UACA: variants seen among roughly 807,000 people sequenced by gnomAD.
UACA encodes the protein nuclear membrane binding protein.
In UACA, 112 loss-of-function variants were observed where a neutral mutation model predicts 160.5. The observed-to-expected ratio is 0.70, with a 90% confidence interval of 0.60 to 0.82. UACA has a LOEUF of 0.82. Among genes scored for constraint, UACA ranks in the 40% least tolerant of loss-of-function variants. The pLI is 0.00. For synonymous variants in UACA, 557 were observed against 568.4 expected (o/e 0.98, Z 0.29); for missense variants, 1,574 against 1,614.6 (o/e 0.97, Z 0.43).
chr15:70,674,225 T>C (rs1286849090), intron 13 of UACA, among the ~76,000 whole-genome samples: 1 of 152,208 alleles, frequency 6.6e-6, no homozygotes, highest in African/African-American at 2.4e-5. Context: ...GTGGGACCTG[T>C]AATTTTCTGT....
At chr15:70,742,873 CT>C (rs546875397) in intron 1 of UACA, among the ~76,000 whole-genome samples, 2 of 152,128 alleles carry the variant, frequency 1.3e-5, no homozygotes, top group Non-Finnish European at 2.9e-5. Context: ...AACTTAGAGG[CT>C]AAAAAACAAC....
intron 1 of UACA, chr15:70,702,167 A>T: frequency 8.0e-7 from 1 of 1,255,632 alleles, no homozygotes; most frequent in Non-Finnish European, 1.0e-6. Context: ...CAAGTCAGGT[A>T]CAGTAACTCT....
chr15:70,739,030 A>G (rs1486839020), intron 1 of UACA, among the ~76,000 whole-genome samples: 1 of 152,248 alleles, frequency 6.6e-6, no homozygotes, highest in Non-Finnish European at 1.5e-5. Context: ...GTTCAAAGCA[A>G]GTCATGAATC....
At chr15:70,737,803 AT>A (rs1254403946) in intron 1 of UACA, among the ~76,000 whole-genome samples, 3 of 152,324 alleles carry the variant, frequency 2.0e-5, no homozygotes, top group Admixed American at 6.5e-5. Flanking sequence ...AGACATTTGG[AT>A]TTTTTGAATG....
intron 1 of UACA, chr15:70,758,339 T>C (rs1043939929): frequency 1.3e-5 from 2 of 152,212 alleles, no homozygotes; most frequent in East Asian, 1.9e-4. Context: ...GGGATAACCA[T>C]AGGAAGTTGT....
At chr15:70,711,676 G>A (rs1476055502) in intron 1 of UACA, among the ~76,000 whole-genome samples, 2 of 152,146 alleles carry the variant, frequency 1.3e-5, no homozygotes, top group Middle Eastern at 3.2e-3. Context: ...TCAAGCAGGT[G>A]ACAGGAATTA....
At chr15:70,778,783 T>C in the UACA span, 1 of 152,198 alleles carries the variant, frequency 6.6e-6, no homozygotes, top group African/African-American at 2.4e-5. Context: ...AATACAAACC[T>C]TATATGTTTT....
At chr15:70,671,170 CCTTT>C (rs772918062) in intron 14 of UACA, 79 bp from the exon 15 acceptor site, 1 of 1,027,786 alleles carries the variant, frequency 9.7e-7, no homozygotes, top group African/African-American at 1.6e-5. Context: ...GATGTTATTT[CCTTT>C]ATTATTCAAA....
At chr15:70,684,512 G>T (rs1483925424) in intron 7 of UACA, 66 bp from the exon 8 acceptor site, 8 of 1,501,008 alleles carry the variant, frequency 5.3e-6, no homozygotes, top group African/African-American at 1.4e-5. Context: ...GAAATATTCT[G>T]CCCTATTGTT....
At chr15:70,762,694 G>A (rs1449982240) in intron 1 of UACA, among the ~76,000 whole-genome samples, 1 of 152,136 alleles carries the variant, frequency 6.6e-6, no homozygotes, top group Non-Finnish European at 1.5e-5. Flanking sequence ...CCACCTCTAG[G>A]GTCACCACCC....
intron 1 of UACA, among the ~76,000 whole-genome samples, chr15:70,702,550 A>G (rs1397402682): frequency 6.6e-6 from 1 of 152,222 alleles, no homozygotes; most frequent in Non-Finnish European, 1.5e-5. Flanking sequence ...TAATGACAAC[A>G]TTTTAAGAGA....
intron 1 of UACA, chr15:70,701,919 C>T: frequency 6.2e-7 from 1 of 1,613,320 alleles, no homozygotes. Flanking sequence ...TCATCATAGA[C>T]AGGATTTAGT....
intron 1 of UACA, among the ~76,000 whole-genome samples, chr15:70,748,166 G>A (rs779054726): frequency 6.6e-6 from 1 of 151,864 alleles, no homozygotes; most frequent in Non-Finnish European, 1.5e-5. Context: ...AGAAAATGGG[G>A]GCAATTTAAA....
intron 1 of UACA, chr15:70,701,982 C>T (rs1898382603): frequency 1.3e-6 from 2 of 1,599,066 alleles, no homozygotes; most frequent in Admixed American, 1.7e-5. Context: ...TCTCTGTAAG[C>T]TCACAAAGCA....
chr15:70,664,721 GC>G lies in UACA; in HGVS notation c.4053del (p.Arg1351SerfsTer5). The stretch of plus-strand genomic sequence containing the variant: ...TGCAGAGTGTCAATCAGCTGGCTCT[GC>G]CTCTTGGTGGGGTTCCCACTTGTGT... ...LTYTSGNPTK[R>X]QSQLIDTLQH... On this transcript the variant is annotated frameshift_variant, in exon 17 of 19. Coordinates refer to ENST00000322954, the MANE Select transcript of UACA (RefSeq NM_018003.4). LOFTEE classifies it high-confidence loss of function. The G allele has an allele frequency of 6.2e-7, 1 of 1,613,630 alleles. No individual in the cohort carries two copies. The highest frequency in any genetic ancestry group is 8.5e-7 in the Non-Finnish European group (1 of 1,179,824).
chr15:70,723,464 C>T (rs1381773111), intron 1 of UACA, among the ~76,000 whole-genome samples: 1 of 152,182 alleles, frequency 6.6e-6, no homozygotes, highest in Admixed American at 6.5e-5. Flanking sequence ...CCCCTCCTTA[C>T]CTCTAAAGTA....
chr15:70,704,862 C>A (rs1322570595), intron 1 of UACA, among the ~76,000 whole-genome samples: 1 of 152,158 alleles, frequency 6.6e-6, no homozygotes, highest in South Asian at 2.1e-4. Context: ...AAAATCACAG[C>A]AGATTCAGAG....
At chr15:70,762,231 T>G (rs189288929) in intron 1 of UACA, among the ~76,000 whole-genome samples, 1 of 76,848 alleles carries the variant, frequency 1.3e-5, no homozygotes, top group Non-Finnish European at 2.5e-5. Flanking sequence ...ATCCTCGATA[T>G]AGGTGGAGAG....
At chr15:70,771,818 A>C in the UACA span, among the ~76,000 whole-genome samples, 1 of 143,314 alleles carries the variant, frequency 7.0e-6, no homozygotes, top group African/African-American at 2.9e-5. Context: ...CAAAGAAAAC[A>C]GCAATGCAAC....
Sources: gnomAD v4.1 joint callset for allele counts (sites outside exome capture counted in the v4.1 genomes callset) on GRCh38, gnomAD v4.1.1 for gene constraint, MANE v1.5 for transcripts, NCBI Gene and HGNC (gene_info 2026-07-23, HGNC 2026-07-21) for gene names.